BRD10: variants seen among roughly 807,000 people sequenced by gnomAD.
The protein encoded by BRD10 is uncharacterized bromodomain-containing protein 10.
At chr9:5,951,594 T>C in the BRD10 span, among the ~76,000 whole-genome samples, 4 of 152,172 alleles carry the variant, frequency 2.6e-5, no homozygotes, top group African/African-American at 7.2e-5. Context: ...AACAAATAAT[T>C]TACAGAATCT....
the BRD10 span, chr9:5,908,682 C>G: frequency 6.2e-7 from 1 of 1,614,120 alleles, no homozygotes; most frequent in Non-Finnish European, 8.5e-7. Flanking sequence ...CTCTGCAGAA[C>G]AGTCACCACC....
the BRD10 span, among the ~76,000 whole-genome samples, chr9:5,944,301 C>T: frequency 2.0e-5 from 3 of 151,656 alleles, no homozygotes; most frequent in African/African-American, 7.3e-5. Flanking sequence ...AATATATGCC[C>T]TTAAACTCTA....
chr9:5,903,749 A>G, the BRD10 span, among the ~76,000 whole-genome samples: 26,179 of 152,170 alleles, frequency 0.17, 2,358 homozygotes, highest in Middle Eastern at 0.22. Flanking sequence ...TCGTTATGTA[A>G]TATCCCTCTT....
chr9:5,888,959 C>T, the BRD10 span, among the ~76,000 whole-genome samples: 1 of 152,146 alleles, frequency 6.6e-6, no homozygotes, highest in African/African-American at 2.4e-5. Flanking sequence ...CTGGCAATGA[C>T]CAGCTCAGTG....
At chr9:5,907,677 G>A in the BRD10 span, among the ~76,000 whole-genome samples, 1 of 152,198 alleles carries the variant, frequency 6.6e-6, no homozygotes, top group Non-Finnish European at 1.5e-5. Context: ...ATATGGCTGG[G>A]CATGGTGGCT....
At chr9:5,889,577 G>A in the BRD10 span, among the ~76,000 whole-genome samples, 1 of 152,142 alleles carries the variant, frequency 6.6e-6, no homozygotes, top group Non-Finnish European at 1.5e-5. Flanking sequence ...ATGAGGTCAG[G>A]AGATCGAGAC....
the BRD10 span, chr9:6,007,906 C>T: frequency 7.4e-7 from 1 of 1,352,368 alleles, no homozygotes; most frequent in Non-Finnish European, 9.4e-7. Flanking sequence ...CACATCGGGC[C>T]TGGCTCTCCT....
At chr9:5,975,841 T>A in the BRD10 span, among the ~76,000 whole-genome samples, 4 of 152,082 alleles carry the variant, frequency 2.6e-5, no homozygotes, top group Admixed American at 2.0e-4. Flanking sequence ...AAAACAGTAA[T>A]AATGGTTAGT....
chr9:5,933,723 T>C, the BRD10 span: 4 of 468,360 alleles, frequency 8.5e-6, no homozygotes, highest in African/African-American at 2.0e-5. Context: ...TCTCTATGTA[T>C]GTGAAATGAG....
At chr9:5,881,338 A>G in the BRD10 span, among the ~76,000 whole-genome samples, 5 of 152,246 alleles carry the variant, frequency 3.3e-5, no homozygotes, top group African/African-American at 1.2e-4. Flanking sequence ...CTAAAAGACC[A>G]GGTCTTGTGG....
chr9:5,918,448 G>A, the BRD10 span, among the ~76,000 whole-genome samples: 10 of 152,174 alleles, frequency 6.6e-5, no homozygotes, highest in Admixed American at 5.9e-4. Context: ...GGGTGCGGTG[G>A]CTCATGCCTG....
the BRD10 span, chr9:6,007,063 C>T: frequency 1.9e-5 from 17 of 906,656 alleles, no homozygotes; most frequent in Non-Finnish European, 1.7e-6. Flanking sequence ...GCTCCTCCTC[C>T]CGGGCTTCTC....
chr9:6,007,862 TC>T, the BRD10 span: 431 of 1,370,024 alleles, frequency 3.1e-4, 4 homozygotes, highest in Non-Finnish European at 8.0e-5. Flanking sequence ...GCGAGCCGCT[TC>T]CTCACGGCTC....
chr9:5,920,924 A>G, the BRD10 span: 1 of 1,613,994 alleles, frequency 6.2e-7, no homozygotes, highest in Middle Eastern at 1.6e-4. Flanking sequence ...AATAGGCATA[A>G]TTCTTGAAGA....
the BRD10 span, among the ~76,000 whole-genome samples, chr9:5,931,072 G>C: frequency 6.6e-6 from 1 of 152,190 alleles, no homozygotes; most frequent in Admixed American, 6.5e-5. Context: ...ACTCTTTGTG[G>C]CAGAATTAAC....
the BRD10 span, among the ~76,000 whole-genome samples, chr9:5,888,278 T>C: frequency 6.6e-6 from 1 of 152,250 alleles, no homozygotes; most frequent in Non-Finnish European, 1.5e-5. Flanking sequence ...TTAAGTAGAA[T>C]CAGCTCTGGG....
At chr9:5,908,251 T>C in the BRD10 span, among the ~76,000 whole-genome samples, 1 of 152,198 alleles carries the variant, frequency 6.6e-6, no homozygotes, top group African/African-American at 2.4e-5. Context: ...ATCCTCTTGT[T>C]TTATATTTGG....
At chr9:5,965,676 T>A in the BRD10 span, among the ~76,000 whole-genome samples, 4 of 152,298 alleles carry the variant, frequency 2.6e-5, no homozygotes, top group South Asian at 6.2e-4. Context: ...TCAAAACAAA[T>A]CTATTATCAG....
At chr9:5,930,024 A>C in the BRD10 span, among the ~76,000 whole-genome samples, 1 of 152,162 alleles carries the variant, frequency 6.6e-6, no homozygotes, top group South Asian at 2.1e-4. Context: ...TGTATATATA[A>C]AATTATTTGA....
Sources: allele counts gnomAD v4.1 joint callset (sites outside exome capture counted in the v4.1 genomes callset), GRCh38; gene constraint gnomAD v4.1.1; transcripts MANE v1.5; gene names NCBI Gene and HGNC (gene_info 2026-07-23, HGNC 2026-07-21).